PSMD2: variants seen among roughly 807,000 people sequenced by gnomAD.
The protein encoded by PSMD2 is proteasome 26S subunit ubiquitin receptor, non-ATPase 2, also known as 26S proteasome non-ATPase regulatory subunit 2.
Under a neutral mutation model 101.5 loss-of-function variants are expected in PSMD2, and 8 were observed. The observed-to-expected ratio is 0.08, with a 90% CI of 0.05 to 0.14. The LOEUF (loss-of-function observed/expected upper bound fraction) is 0.14, where lower values mean the gene tolerates loss of function less well. Ranked by LOEUF, PSMD2 falls within the 10% of genes least tolerant of loss-of-function variation. PSMD2 has a pLI of 1.00. For synonymous variants in PSMD2, 418 were observed against 433.8 expected (o/e 0.96, Z 0.45); for missense variants, 784 against 1,147.4 (o/e 0.68, Z 4.58).
intron 8 of PSMD2, 47 bp from the exon 9 acceptor site, chr3:184,303,273 C>CT: frequency 2.5e-6 from 4 of 1,592,722 alleles, no homozygotes; most frequent in Non-Finnish European, 3.4e-6. Context: ...CTTTCCTGTC[C>CT]TACCTGAAAC....
chr3:184,307,625 G>C lies in PSMD2; in HGVS notation c.2215G>C (p.Ala739Pro). 6.2e-7 allele frequency: 1 copy of C among 1,614,058 alleles called. No individual in the cohort carries two copies. The highest frequency in any genetic ancestry group is 8.5e-7 in the Non-Finnish European group (1 of 1,180,026). The change falls in exon 18 of 21, where the codon GCC becomes CCC. Residue 739 changes from alanine (A) to proline (P), a missense_variant. Physicochemically the swap from Ala to Pro is conservative, Grantham distance 27. Around this residue, in one of 6 missense-constraint regions of PSMD2, gnomAD observed 282 missense variants for 437.6 expected, o/e 0.64. Transcript: ENST00000310118. ...CTTAACATTTCCAGGTACCAATAAT[G>C]CCCGTCTGGCTGCAATGCTGCGCCA... Reference protein sequence around the residue: ...MGMVGSGTNNARLAAMLRQLA... With the variant: ...MGMVGSGTNNPRLAAMLRQLA...
rs760408906 is a variant in PSMD2 at position 184,306,848 on chromosome 3, G to T, written c.2034+14G>T. On this transcript the variant is annotated intron_variant, in intron 16 of 20. Transcript: ENST00000310118. Reference sequence around the variant, plus strand: ...TTTGGCCACTTGGTGAGTATAGCATGAAGAAAATTGGAATATACTGGTTTT... The same window carrying T: ...TTTGGCCACTTGGTGAGTATAGCATTAAGAAAATTGGAATATACTGGTTTT... 1.2e-6 allele frequency: 2 copies of T among 1,606,282 alleles called. No homozygotes were observed. The highest frequency in any genetic ancestry group is 4.5e-5 in the East Asian group (2 of 44,768).
At position 184,308,601 on chromosome 3, in the gene PSMD2, G is replaced by A. The variant is rs1273450009; in HGVS notation, c.2544+34G>A. ...CTGAGTAGAGGGGAGGGCTCAGGCT[G>A]TATTCTCAAACTGGAGAATGTACAT... On this transcript the variant is annotated intron_variant, in intron 20 of 20. Transcript: ENST00000310118. This position sits in a 1 kb window ranked among gnomAD's most constrained non-coding sequence, Gnocchi z 6.0. 2 of 1,594,156 alleles carry A rather than the reference G, an allele frequency of 1.3e-6. No homozygotes were observed. Among genetic ancestry groups the A allele is most frequent in the African/African-American group, 2.7e-5 (2 of 74,400 alleles).
intron 12 of PSMD2, among the ~76,000 whole-genome samples, chr3:184,305,544 G>A (rs1216800112): frequency 6.6e-6 from 1 of 151,692 alleles, no homozygotes; most frequent in Non-Finnish European, 1.5e-5. Flanking sequence ...TGACCTTGGG[G>A]CTGTCACAAG....
rs1221157086 is a variant in PSMD2 at position 184,306,517 on chromosome 3, T to C, written c.1950+22T>C. ...TCAGGTTATATGGGCAGCTGGGCAC[T>C]TGCAGAGAGGCTGTGAGAAGAGATA... On this transcript the variant is annotated intron_variant, in intron 15 of 20. Transcript: ENST00000310118. 4 of 1,607,332 alleles carry C rather than the reference T, an allele frequency of 2.5e-6. No individual in the cohort carries two copies. In the African/African-American group the frequency reaches 5.4e-5, roughly 22 times the overall value.
At chr3:184,299,703 C>T in intron 1 of PSMD2, 148 bp from the exon 2 acceptor site, 1 of 712,552 alleles carries the variant, frequency 1.4e-6, no homozygotes. Context: ...GCTGATTTCT[C>T]ACCAGGGCTT....
rs370449263 is a variant in PSMD2 at position 184,302,082 on chromosome 3, A to G, written c.704+11A>G. On this transcript the variant is annotated intron_variant, in intron 5 of 20. Coordinates refer to ENST00000310118, the MANE Select transcript of PSMD2 (RefSeq NM_002808.5). ...CCTTTATCTCACCAGGTGAGTGAAC[A>G]TGGTAGGGAAGGGTGGCAGGCATGC... 1.2e-4 allele frequency: 198 copies of G among 1,611,370 alleles called. No individual in the cohort carries two copies. The African/African-American group carries it at 2.4e-3, about 20-fold the overall frequency.
chr3:184,305,617 T>C, intron 12 of PSMD2, 151 bp from the exon 13 acceptor site: 1 of 734,162 alleles, frequency 1.4e-6, no homozygotes, highest in Non-Finnish European at 2.2e-6. Flanking sequence ...ATATACTCAA[T>C]GAATAATGAC....
chr3:184,307,418 T>C lies in PSMD2; in HGVS notation c.2096T>C (p.Val699Ala), dbSNP rs752882608. 3 of 1,614,204 alleles carry C rather than the reference T, an allele frequency of 1.9e-6. No homozygotes were observed. The highest frequency in any genetic ancestry group is 1.1e-5 in the South Asian group (1 of 91,092). Reference protein sequence around the residue: ...AVPLALALISVSNPRLNILDT... With the variant: ...AVPLALALISASNPRLNILDT... ...CCTTTAGCACTGGCCCTCATCTCTG[T>C]TTCAAATCCACGACTCAACATCCTG... Residue 699 changes from valine to alanine, a missense_variant, in exon 17 of 21, where the codon GTT (valine) becomes GCT (alanine). Transcript: ENST00000310118.
rs748866459 is a variant in PSMD2, at chr3:184,305,948, T to G, written c.1702+18T>G. ...CCACCTGGGTGAGGGGATGTTTCTA[T>G]TTGGGCAAAGAGCTGACAGTAACTG... On this transcript the variant is annotated intron_variant, in intron 13 of 20. Coordinates refer to ENST00000310118, the MANE Select transcript of PSMD2 (RefSeq NM_002808.5). The G allele has an allele frequency of 6.2e-7, 1 of 1,613,988 alleles. No homozygotes were observed. Among genetic ancestry groups the G allele is most frequent in the Non-Finnish European group, 8.5e-7 (1 of 1,179,874 alleles).
At chr3:184,299,473 C>G (rs1721570122) in intron 1 of PSMD2, 72 bp downstream of exon 1, 1 of 1,310,658 alleles carries the variant, frequency 7.6e-7, no homozygotes. Context: ...AGGCCTCAGG[C>G]CCGACACCCA....
In PSMD2 at chr3:184,308,555, C is replaced by T; in HGVS notation, c.2532C>T (p.Val844=). 6.2e-7 allele frequency: 1 copy of T among 1,613,610 alleles called. No individual in the cohort carries two copies. Among genetic ancestry groups the T allele is most frequent in the Non-Finnish European group, 8.5e-7 (1 of 1,179,736 alleles). Residue 844 remains valine (V), a synonymous_variant, in exon 20 of 21, where the codon GTC becomes GTT. Transcript: ENST00000310118. The surrounding 1 kb of genome is among the most constrained non-coding windows in gnomAD (Gnocchi z 6.0). ...AGCTGCGGCCATTGCCAGTGTCTGT[C>T]CGTGTGGGCCAGGTGAGAGGCTGAG... ...DEELRPLPVS[V]RVGQAVDVVG...
intron 12 of PSMD2, among the ~76,000 whole-genome samples, chr3:184,305,438 A>C (rs945672767): frequency 6.6e-6 from 1 of 151,748 alleles, no homozygotes; most frequent in Admixed American, 6.6e-5. Flanking sequence ...GCGGTGAGCC[A>C]AAATCGCGAC....
chr3:184,307,826 G>T (rs966811962), intron 18 of PSMD2, 64 bp from the exon 19 acceptor site: 74 of 1,609,998 alleles, frequency 4.6e-5, no homozygotes, highest in Admixed American at 1.5e-4. Context: ...TTTCTGTTTG[G>T]CTGGGTTAGG....
Position 184,304,459 on chromosome 3 carries a change from A to G in PSMD2, c.1539+68A>G. 1 of 1,487,094 alleles carries G rather than the reference A, an allele frequency of 6.7e-7. No individual in the cohort carries two copies. The highest frequency in any genetic ancestry group is 1.1e-5 in the South Asian group (1 of 88,482). The allele number at this position is 1,487,094 out of a possible 1,614,324, so 92.1% of individuals were successfully genotyped here. ...GCTTTGAGTCTTACTTTCTGTGATA[A>G]ATAATGAAAAAGAAGTAAGTGTGTG... On this transcript the variant is annotated intron_variant, in intron 12 of 20. Coordinates refer to ENST00000310118, the MANE Select transcript of PSMD2 (RefSeq NM_002808.5). The surrounding 1 kb of genome is among the most constrained non-coding windows in gnomAD (Gnocchi z 4.1).
At position 184,306,168 on chromosome 3, in the gene PSMD2, A is replaced by T. The variant is rs776587020; in HGVS notation, c.1804+13A>T. 2.5e-6 allele frequency: 4 copies of T among 1,613,794 alleles called. No individual in the cohort carries two copies. The Admixed American group carries it at 6.7e-5, about 27-fold the overall frequency. Reference sequence around the variant, plus strand: ...TGTGCATATGCAGGTCTGTGTCTTTATGAGTCTGTCTTGTGCTTCCCCAGT... The same window carrying T: ...TGTGCATATGCAGGTCTGTGTCTTTTTGAGTCTGTCTTGTGCTTCCCCAGT... On this transcript the variant is annotated intron_variant, in intron 14 of 20. Coordinates refer to ENST00000310118, the MANE Select transcript of PSMD2 (RefSeq NM_002808.5).
At position 184,303,023 on chromosome 3, in the gene PSMD2, G is replaced by C. The variant is rs1235216952; in HGVS notation, c.1030G>C (p.Val344Leu). The C allele has an allele frequency of 6.2e-7, 1 of 1,614,122 alleles. No individual in the cohort carries two copies. Among genetic ancestry groups the C allele is most frequent in the Non-Finnish European group, 8.5e-7 (1 of 1,180,016 alleles). Residue 344 changes from valine to leucine, a missense_variant, in exon 8 of 21, where the codon GTG becomes CTG. Coordinates refer to ENST00000310118, the MANE Select transcript of PSMD2 (RefSeq NM_002808.5). ...TCAGCTGGACATCATGGAGCCCAAG[G>C]TGCCTGATGACATCTACAAAACCCA... ...ARELDIMEPK[V>L]PDDIYKTHLE...
rs931759551 is a variant in PSMD2 at position 184,302,832 on chromosome 3, G to A, written c.1008+9G>A. ...TGGCCTTAGCTCGGGAGGTGAGACT[G>A]CCCTTTTTTCATCAAGGCCTTTTCG... On this transcript the variant is annotated intron_variant, in intron 7 of 20. Transcript: ENST00000310118. 2 of 1,614,042 alleles carry A rather than the reference G, an allele frequency of 1.2e-6. No homozygotes were observed. Among genetic ancestry groups the A allele is most frequent in the African/African-American group, 1.3e-5 (1 of 75,034 alleles).
chr3:184,303,701 C>T lies in PSMD2; in HGVS notation c.1275C>T (p.Gly425=). The T allele has an allele frequency of 6.2e-7, 1 of 1,614,154 alleles. No individual in the cohort carries two copies. Among genetic ancestry groups the T allele is most frequent in the Non-Finnish European group, 8.5e-7 (1 of 1,180,030 alleles). ...TTCTGCTGTGGGATGTGGATGGTGG[C>T]CTCACCCAGATTGACAAGTACCTGT... ...GMILLWDVDG[G]LTQIDKYLYS... is the part of the protein sequence containing the mutation. Residue 425 remains glycine, a synonymous_variant, in exon 10 of 21, where the codon GGC becomes GGT. Transcript: ENST00000310118.
Sources: gnomAD v4.1 joint callset for allele counts (sites outside exome capture counted in the v4.1 genomes callset) on GRCh38, gnomAD v4.1.1 for gene constraint, gnomAD v4.1.1 regional missense constraint, Gnocchi (gnomAD v3.1) non-coding constraint, MANE v1.5 for transcripts, NCBI Gene and HGNC (gene_info 2026-07-23, HGNC 2026-07-21) for gene names.